The following AKAP6 variants were observed in gnomAD, a reference collection of about 807,000 sequenced individuals.
AKAP6 encodes the protein A-kinase anchor protein 6.
A neutral mutation model predicts 188.5 loss-of-function variants in AKAP6; 58 were observed. The observed-to-expected ratio is 0.31, with a 90% confidence interval of 0.25 to 0.38. The LOEUF is 0.38. Among genes scored for constraint, AKAP6 ranks in the 10% least tolerant of loss-of-function variants. The pLI, the probability that AKAP6 is intolerant of heterozygous loss-of-function variation, is 1.00. For synonymous variants in AKAP6, 989 were observed against 998.6 expected, an observed-to-expected ratio of 0.99 and a Z score of 0.18; for missense variants, 2,710 against 2,740.0, an observed-to-expected ratio of 0.99 and a Z score of 0.24.
intron 4 of AKAP6, among the ~76,000 whole-genome samples, chr14:32,548,252 C>T (rs1048118132): frequency 1.3e-5 from 2 of 152,062 alleles, no homozygotes; most frequent in Non-Finnish European, 2.9e-5. Flanking sequence ...TAGGCCCCCA[C>T]AACCATGCCC....
intron 2 of AKAP6, among the ~76,000 whole-genome samples, chr14:32,459,307 G>T (rs535589467): frequency 2.8e-4 from 43 of 151,916 alleles, no homozygotes; most frequent in African/African-American, 9.9e-4. Flanking sequence ...TCTAGAGTTT[G>T]GTCATACAGC....
chr14:32,634,960 T>C (rs1887425030), intron 7 of AKAP6, among the ~76,000 whole-genome samples: 1 of 151,992 alleles, frequency 6.6e-6, no homozygotes, highest in Non-Finnish European at 1.5e-5. Context: ...GTAAGTTCTT[T>C]AGCGGCGCTT....
chr14:32,687,270 A>T (rs1243053096), intron 8 of AKAP6, among the ~76,000 whole-genome samples: 2 of 152,198 alleles, frequency 1.3e-5, no homozygotes, highest in Non-Finnish European at 2.9e-5. Flanking sequence ...TAATTAAGCA[A>T]TACGATATGT....
chr14:32,757,037 C>G lies in AKAP6; in HGVS notation c.3373-16641C>G, dbSNP rs563053755. On this transcript the variant is annotated intron_variant, in intron 11 of 13. Transcript: ENST00000280979. ...TAGGGGCTAGCCTGGTGCTAGAGTC[C>G]CAGATAAAGTCAGGTACTCAATTCA... 4.0e-4 allele frequency among the ~76,000 whole-genome samples: 61 copies of G among 152,196 alleles called. 1 individual carries two copies. The highest frequency in any genetic ancestry group is 1.2e-3 in the Admixed American group (18 of 15,296).
At chr14:32,449,214 A>C (rs1566508653) in intron 2 of AKAP6, among the ~76,000 whole-genome samples, 1 of 152,200 alleles carries the variant, frequency 6.6e-6, no homozygotes, top group Admixed American at 6.5e-5. Context: ...ATTTACATCA[A>C]GAATAAATAC....
chr14:32,407,504 A>G (rs1175868034), intron 1 of AKAP6, among the ~76,000 whole-genome samples: 33 of 152,350 alleles, frequency 2.2e-4, no homozygotes, highest in Non-Finnish European at 8.8e-5. Flanking sequence ...CAGTCTGAAG[A>G]GGAATCTGGG....
chr14:32,736,050 A>G (rs1408891700), intron 11 of AKAP6, among the ~76,000 whole-genome samples, 168 bp downstream of exon 11: 1 of 152,190 alleles, frequency 6.6e-6, no homozygotes, highest in Non-Finnish European at 1.5e-5. Context: ...CTCTATGTGT[A>G]TAAAGATGAA....
intron 9 of AKAP6, among the ~76,000 whole-genome samples, chr14:32,717,453 G>A (rs1210511336): frequency 1.3e-5 from 2 of 152,000 alleles, no homozygotes; most frequent in African/African-American, 4.8e-5. Context: ...TTTATTCCCT[G>A]TAGACTAGGA....
At chr14:32,539,032 A>G (rs949376219) in intron 3 of AKAP6, among the ~76,000 whole-genome samples, 8 of 152,116 alleles carry the variant, frequency 5.3e-5, no homozygotes, top group Non-Finnish European at 1.0e-4. Context: ...CTTACTATGT[A>G]TAAGACTCTA....
At chr14:32,638,390 A>G (rs1594802665) in intron 7 of AKAP6, among the ~76,000 whole-genome samples, 1 of 152,110 alleles carries the variant, frequency 6.6e-6, no homozygotes, top group Non-Finnish European at 1.5e-5. Context: ...TTTGTATGCC[A>G]GTGTTTTGTT....
chr14:32,637,854 A>G (rs1290713509), intron 7 of AKAP6, among the ~76,000 whole-genome samples: 1 of 151,926 alleles, frequency 6.6e-6, no homozygotes, highest in Non-Finnish European at 1.5e-5. Flanking sequence ...GAACTGAGGA[A>G]GCCAAGAAAC....
At chr14:32,582,607 C>G (rs556378522) in intron 5 of AKAP6, among the ~76,000 whole-genome samples, 31 of 152,288 alleles carry the variant, frequency 2.0e-4, no homozygotes, top group Middle Eastern at 3.4e-3. Flanking sequence ...TCCATTCTCC[C>G]TGTCACTTTC....
In AKAP6 at chr14:32,630,217, T is replaced by A. The variant is rs1056459766; in HGVS notation, c.2730+29425T>A. ...ATCTTAAACTTGGGCTTTGAGAAGA[T>A]CTTATTTCATAGGCCCACTTCATTT... On this transcript the variant is annotated intron_variant, in intron 7 of 13. Coordinates refer to ENST00000280979, the MANE Select transcript of AKAP6 (RefSeq NM_004274.5). 4.6e-5 allele frequency among the ~76,000 whole-genome samples: 7 copies of A among 152,252 alleles called. No individual in the cohort carries two copies. In the South Asian group the frequency reaches 1.0e-3, roughly 23 times the overall value.
chr14:32,787,155 A>G (rs1289998388), intron 12 of AKAP6, among the ~76,000 whole-genome samples: 1 of 152,276 alleles, frequency 6.6e-6, no homozygotes, highest in Non-Finnish European at 1.5e-5. Context: ...TTAGAGTTCT[A>G]AGAACTCGAG....
chr14:32,338,093 T>G (rs1173047490), intron 1 of AKAP6, among the ~76,000 whole-genome samples: 1 of 152,086 alleles, frequency 6.6e-6, no homozygotes, highest in Non-Finnish European at 1.5e-5. Context: ...ACTTAGAGAG[T>G]TTTTCCTTTT....
At chr14:32,410,121 C>T (rs1018727909) in intron 1 of AKAP6, among the ~76,000 whole-genome samples, 3 of 148,834 alleles carry the variant, frequency 2.0e-5, no homozygotes, top group Admixed American at 7.0e-5. Flanking sequence ...TGGGAAAAAT[C>T]GACATTCTGT....
At chr14:32,402,790 C>T (rs913217541) in intron 1 of AKAP6, among the ~76,000 whole-genome samples, 3 of 151,424 alleles carry the variant, frequency 2.0e-5, no homozygotes, top group Admixed American at 6.6e-5. Context: ...AATACAGTGG[C>T]GTGATCTCGG....
rs377411035 is a variant in AKAP6 at position 32,546,765 on chromosome 14, A to G, written c.2112A>G (p.Ile704Met). The change falls in exon 4 of 14, where the codon ATA becomes ATG. Residue 704 changes from isoleucine to methionine, a missense_variant. By Grantham distance (10) the Ile-to-Met change is conservative. Transcript: ENST00000280979. ...GRVSPSSSSD[I>M]ASSLGESIES... Reference sequence around the variant, plus strand: ...TGTCTCCAAGCTCATCTAGTGACATAGCCTCTTCACTAGGGGAGAGCATTG... The same window carrying G: ...TGTCTCCAAGCTCATCTAGTGACATGGCCTCTTCACTAGGGGAGAGCATTG... 14 of 1,614,200 alleles carry G rather than the reference A, an allele frequency of 8.7e-6. No homozygotes were observed. Among genetic ancestry groups the G allele is most frequent in the Non-Finnish European group, 1.1e-5 (13 of 1,180,018 alleles).
chr14:32,666,289 A>G (rs1888930714), intron 7 of AKAP6, among the ~76,000 whole-genome samples: 1 of 152,038 alleles, frequency 6.6e-6, no homozygotes, highest in Non-Finnish European at 1.5e-5. Flanking sequence ...TCAGTATAAT[A>G]TCTCGATAAA....
Sources: allele counts gnomAD v4.1 joint callset (sites outside exome capture counted in the v4.1 genomes callset), GRCh38; gene constraint gnomAD v4.1.1; transcripts MANE v1.5; gene names NCBI Gene and HGNC (gene_info 2026-07-23, HGNC 2026-07-21).